Variants in NEXMIF observed in about 807,000 individuals in gnomAD.
NEXMIF encodes the protein XLMR protein related to neurite extension.
Under a neutral mutation model 62.1 loss-of-function variants are expected in NEXMIF, and 8 were observed. That is an observed-to-expected ratio of 0.13 (90% confidence interval 0.08 to 0.23). The LOEUF (loss-of-function observed/expected upper bound fraction) is 0.23, where lower values mean the gene tolerates loss of function less well. Ranked by LOEUF, NEXMIF falls within the 10% of genes least tolerant of loss-of-function variation. NEXMIF has a pLI of 1.00. For synonymous variants in NEXMIF, 404 were observed against 416.6 expected, an observed-to-expected ratio of 0.97 and a Z score of 0.37; for missense variants, 976 against 1,113.3, an observed-to-expected ratio of 0.88 and a Z score of 1.75.
At chrX:74,813,056 C>T (rs969815059) in intron 1 of NEXMIF, among the ~76,000 whole-genome samples, 4 of 111,771 alleles carry the variant, frequency 3.6e-5, no homozygotes, top group African/African-American at 1.3e-4. Context: ...AAACAGAAAT[C>T]ATAATAACAG....
At chrX:74,798,211 C>T (rs1054910725) in intron 1 of NEXMIF, among the ~76,000 whole-genome samples, 1 of 111,448 alleles carries the variant, frequency 9.0e-6, no homozygotes, top group East Asian at 2.8e-4. Context: ...AGCAAACCAT[C>T]ATGGTTTGAA....
Position 74,735,919 on chromosome X carries a change from G to T in NEXMIF, c.*3486C>A, listed in dbSNP as rs2080083974. The T allele has an allele frequency of 9.0e-6, 1 of 111,462 alleles. No individual in the cohort carries two copies. The highest frequency in any genetic ancestry group is 9.6e-5 in the Admixed American group (1 of 10,426). The allele number at this position is 111,462 out of a possible 1,213,427, so 9.2% of individuals were successfully genotyped here. A position where few individuals can be genotyped will look rare whatever the true frequency, so the allele number is the denominator to read the frequency against. On this transcript the variant is annotated 3_prime_UTR_variant, in exon 4 of 4. Coordinates refer to ENST00000055682, the MANE Select transcript of NEXMIF (RefSeq NM_001008537.3). The stretch of plus-strand genomic sequence containing the variant: ...TCAATACCCTTCTCCATATAATATA[G>T]CACCTAACCAGGGCAGGAGATGAGA...
chrX:74,787,429 G>C (rs1011611692), intron 1 of NEXMIF, among the ~76,000 whole-genome samples: 4 of 111,780 alleles, frequency 3.6e-5, no homozygotes, highest in Non-Finnish European at 7.5e-5. Flanking sequence ...CTAATTAGTT[G>C]TTACTTTTTG....
chrX:74,904,362 C>T (rs911722032), intron 1 of NEXMIF, among the ~76,000 whole-genome samples: 5 of 112,008 alleles, frequency 4.5e-5, no homozygotes, highest in East Asian at 2.8e-4. Context: ...AAATATCCCA[C>T]GCCATTGTTT....
At chrX:74,860,356 A>G (rs766520793) in intron 1 of NEXMIF, among the ~76,000 whole-genome samples, 5 of 112,064 alleles carry the variant, frequency 4.5e-5, no homozygotes, top group African/African-American at 1.6e-4. Context: ...CTCCCAAACA[A>G]AAAACGAACA....
intron 1 of NEXMIF, among the ~76,000 whole-genome samples, chrX:74,802,690 CAT>C (rs1321856326): frequency 1.8e-5 from 2 of 110,432 alleles, no homozygotes; most frequent in African/African-American, 6.6e-5. Flanking sequence ...TCCAGGAAAA[CAT>C]AACCACACCA....
intron 1 of NEXMIF, among the ~76,000 whole-genome samples, chrX:74,748,032 A>C (rs1294177033): frequency 8.9e-6 from 1 of 112,099 alleles, no homozygotes; most frequent in African/African-American, 3.2e-5. Context: ...CTAATGGAAA[A>C]ATCTGGCCAA....
At chrX:74,868,675 G>C (rs993329841) in intron 1 of NEXMIF, among the ~76,000 whole-genome samples, 15 of 110,030 alleles carry the variant, frequency 1.4e-4, no homozygotes, top group African/African-American at 4.3e-4. Context: ...ATACATGTGG[G>C]GCTTAATACC....
At chrX:74,918,963 G>A (rs1455724149) in intron 1 of NEXMIF, among the ~76,000 whole-genome samples, 1 of 112,142 alleles carries the variant, frequency 8.9e-6, no homozygotes, top group Admixed American at 9.4e-5. Context: ...ATATACATAA[G>A]AGTAATGACC....
intron 1 of NEXMIF, among the ~76,000 whole-genome samples, chrX:74,782,543 C>T (rs1376721596): frequency 9.0e-6 from 1 of 110,809 alleles, no homozygotes; most frequent in African/African-American, 3.3e-5. Flanking sequence ...GCCCTTACTT[C>T]CTGCTACAAC....
chrX:74,852,861 T>A (rs778235020), intron 1 of NEXMIF, among the ~76,000 whole-genome samples: 2 of 110,502 alleles, frequency 1.8e-5, no homozygotes, highest in East Asian at 5.7e-4. Flanking sequence ...AGATTTCAAA[T>A]AAATAGTCTA....
chrX:74,823,154 T>C (rs1325412580), intron 1 of NEXMIF, among the ~76,000 whole-genome samples: 3 of 111,870 alleles, frequency 2.7e-5, no homozygotes, highest in Non-Finnish European at 5.6e-5. Flanking sequence ...GGCAAATATA[T>C]AAAAACAGAA....
At chrX:74,785,599 A>C (rs1210276109) in intron 1 of NEXMIF, among the ~76,000 whole-genome samples, 1 of 112,523 alleles carries the variant, frequency 8.9e-6, no homozygotes, top group Non-Finnish European at 1.9e-5. Flanking sequence ...ATAGGCAAGG[A>C]AAATTACACT....
At chrX:74,765,999 C>T (rs939289089) in intron 1 of NEXMIF, among the ~76,000 whole-genome samples, 7 of 104,254 alleles carry the variant, frequency 6.7e-5, no homozygotes, top group Non-Finnish European at 1.4e-4. Flanking sequence ...CGAGATCGCA[C>T]TACTGCACTC....
At chrX:74,869,280 T>C (rs981675733) in intron 1 of NEXMIF, among the ~76,000 whole-genome samples, 10 of 111,331 alleles carry the variant, frequency 9.0e-5, no homozygotes, top group Non-Finnish European at 1.9e-5. Context: ...CATACCTTCA[T>C]GATAAAAACC....
At chrX:74,824,049 C>T (rs1251168460) in intron 1 of NEXMIF, among the ~76,000 whole-genome samples, 1 of 111,214 alleles carries the variant, frequency 9.0e-6, no homozygotes, top group East Asian at 2.8e-4. Context: ...GGTCCTCATA[C>T]CATTCAAGTC....
chrX:74,745,542 T>C, intron 2 of NEXMIF, 30 bp downstream of exon 2: 1 of 1,002,980 alleles, frequency 1.0e-6, no homozygotes, highest in Non-Finnish European at 1.4e-6. Context: ...CCAGGAGAGA[T>C]ATTAATATAC....
chrX:74,840,968 T>C (rs1181604512), intron 1 of NEXMIF, among the ~76,000 whole-genome samples: 1 of 112,339 alleles, frequency 8.9e-6, no homozygotes, highest in Non-Finnish European at 1.9e-5. Flanking sequence ...ATTCAGGCTC[T>C]ATTTTGGTTC....
intron 1 of NEXMIF, among the ~76,000 whole-genome samples, chrX:74,780,335 T>C (rs1347427374): frequency 1.8e-5 from 2 of 110,502 alleles, no homozygotes; most frequent in African/African-American, 6.6e-5. Context: ...ATTGTGTGCC[T>C]TTTGACATTT....
Sources: allele counts gnomAD v4.1 joint callset (sites outside exome capture counted in the v4.1 genomes callset), GRCh38; gene constraint gnomAD v4.1.1; transcripts MANE v1.5; gene names NCBI Gene and HGNC (gene_info 2026-07-23, HGNC 2026-07-21).